TMEM132C: variants seen among roughly 807,000 people sequenced by gnomAD.
TMEM132C encodes the protein protein phosphatase 1, regulatory subunit 152.
In TMEM132C, 29 loss-of-function variants were observed where a neutral mutation model predicts 61.4. The observed-to-expected ratio is 0.47, with a 90% CI of 0.35 to 0.64. The LOEUF (loss-of-function observed/expected upper bound fraction) is 0.64. TMEM132C is among the 30% of genes least tolerant of loss of function. The pLI, the probability that TMEM132C is intolerant of heterozygous loss-of-function variation, is 0.00. For missense variants in TMEM132C, 1,408 were observed against 1,476.9 expected, an observed-to-expected ratio of 0.95 and a Z score of 0.76; for synonymous variants, 656 against 633.1, an observed-to-expected ratio of 1.04 and a Z score of -0.54.
In TMEM132C at chr12:128,268,732, CAA is replaced by C. The variant is rs1309365157; in HGVS notation, c.85+1248_85+1249del. Among the ~76,000 whole-genome samples the C allele has an allele frequency of 3.9e-5, 6 of 152,010 alleles. No homozygotes were observed. In the East Asian group the frequency reaches 7.8e-4, roughly 20 times the overall value. ...AGGTTTAAAAGTAGCGTTTGCTTTT[CAA>C]AAGTCATTCTGCACCGCCTGAAAAT... On this transcript the variant is annotated intron_variant, in intron 1 of 8. Transcript: ENST00000435159.
At chr12:128,499,874 T>C (rs944413712) in intron 2 of TMEM132C, among the ~76,000 whole-genome samples, 1 of 152,204 alleles carries the variant, frequency 6.6e-6, no homozygotes, top group Non-Finnish European at 1.5e-5. Context: ...CTCTTCCATA[T>C]GCTGATTTTT....
chr12:128,323,366 G>A (rs1408859774), intron 1 of TMEM132C, among the ~76,000 whole-genome samples: 1 of 152,218 alleles, frequency 6.6e-6, no homozygotes, highest in Non-Finnish European at 1.5e-5. Context: ...AGAGCCCACT[G>A]GCCTAAAAGG....
At chr12:128,473,319 T>A (rs796171796) in intron 2 of TMEM132C, among the ~76,000 whole-genome samples, 1 of 1,008 alleles carries the variant, frequency 9.9e-4, no homozygotes, top group Non-Finnish European at 2.4e-3. Context: ...CTCCAGCCTC[T>A]ATCTTCATCT....
At chr12:128,680,512 A>C (rs1954626620) in intron 5 of TMEM132C, among the ~76,000 whole-genome samples, 1 of 152,240 alleles carries the variant, frequency 6.6e-6, no homozygotes, top group Non-Finnish European at 1.5e-5. Context: ...GAATGGAATA[A>C]AATGAAAATT....
chr12:128,420,899 A>G (rs1326096336), intron 2 of TMEM132C, among the ~76,000 whole-genome samples: 4 of 152,232 alleles, frequency 2.6e-5, no homozygotes, highest in African/African-American at 9.6e-5. Context: ...GTTTTAAGGA[A>G]AAAATATTCA....
chr12:128,651,373 C>G (rs1294653859), intron 4 of TMEM132C, among the ~76,000 whole-genome samples: 2 of 152,220 alleles, frequency 1.3e-5, no homozygotes, highest in Non-Finnish European at 2.9e-5. Context: ...CCTGATGGTG[C>G]TCCTGCAGGA....
At chr12:128,588,828 A>G (rs1419801899) in intron 3 of TMEM132C, among the ~76,000 whole-genome samples, 2 of 152,152 alleles carry the variant, frequency 1.3e-5, no homozygotes, top group East Asian at 3.9e-4. Context: ...TGTGAGCAGT[A>G]TGTTTCTGTG....
At chr12:128,485,232 A>G (rs768478491) in intron 2 of TMEM132C, among the ~76,000 whole-genome samples, 5 of 152,164 alleles carry the variant, frequency 3.3e-5, no homozygotes, top group Admixed American at 1.3e-4. Context: ...GCTGGAGTGC[A>G]GTAGTGTGAT....
chr12:128,423,710 A>C (rs1394368348), intron 2 of TMEM132C, among the ~76,000 whole-genome samples: 1 of 151,778 alleles, frequency 6.6e-6, no homozygotes, highest in Non-Finnish European at 1.5e-5. Flanking sequence ...TCTCTTAAAA[A>C]AAAGAGAAAA....
chr12:128,283,094 A>G (rs575505006), intron 1 of TMEM132C, among the ~76,000 whole-genome samples: 1 of 152,346 alleles, frequency 6.6e-6, no homozygotes, highest in African/African-American at 2.4e-5. Context: ...TTAGAATTTC[A>G]ACATTTCATT....
Position 128,705,298 on chromosome 12 carries a change from A to C in TMEM132C, c.2330A>C (p.Glu777Ala), listed in dbSNP as rs1954829013. The C allele has an allele frequency of 2.6e-6, 4 of 1,551,288 alleles. No individual in the cohort carries two copies. Among genetic ancestry groups the C allele is most frequent in the Non-Finnish European group, 2.6e-6 (3 of 1,146,732 alleles). The change falls in exon 9 of 9, where the codon GAG (glutamate) becomes GCG (alanine). Residue 777 changes from glutamate (E) to alanine (A), a missense_variant. Transcript: ENST00000435159. Reference sequence around the variant, plus strand: ...ATCCGAGTGGACATGACGATCGCCGAGGCCTGCCAGAAATCTAAACGCAAG... The same window carrying C: ...ATCCGAGTGGACATGACGATCGCCGCGGCCTGCCAGAAATCTAAACGCAAG... Reference protein sequence around the residue: ...PLIRVDMTIAEACQKSKRKSI... With the variant: ...PLIRVDMTIAAACQKSKRKSI...
chr12:128,333,787 ATGTGT>A (rs1872726013), intron 1 of TMEM132C, among the ~76,000 whole-genome samples: 1 of 146,066 alleles, frequency 6.8e-6, no homozygotes, highest in South Asian at 2.2e-4. Context: ...TGGTGTATAT[ATGTGT>A]GGCTTGTTTG....
At chr12:128,332,734 C>T (rs961039210) in intron 1 of TMEM132C, among the ~76,000 whole-genome samples, 2 of 152,212 alleles carry the variant, frequency 1.3e-5, no homozygotes, top group Non-Finnish European at 2.9e-5. Context: ...CCACTGTGGA[C>T]CTGAGTGGGT....
intron 1 of TMEM132C, chr12:128,288,509 TA>T (rs1370807220): frequency 6.6e-6 from 1 of 152,206 alleles, no homozygotes; most frequent in African/African-American, 2.4e-5. Flanking sequence ...CCTGCCTCTT[TA>T]TCTAGTAGAG....
rs978740203 is a variant in TMEM132C at position 128,268,058 on chromosome 12, C to T, written c.85+571C>T. Among the ~76,000 whole-genome samples the T allele has an allele frequency of 5.4e-4, 82 of 152,162 alleles. 1 individual carries two copies. Among genetic ancestry groups the T allele is most frequent in the Non-Finnish European group, 1.0e-3 (71 of 68,024 alleles). ...ACTCATCGCGCAGCTCACCAGGGAC[C>T]CCAGCTTGGCAGAAACCAGGGGCTC... On this transcript the variant is annotated intron_variant, in intron 1 of 8. Coordinates refer to ENST00000435159, the MANE Select transcript of TMEM132C (RefSeq NM_001136103.3).
intron 1 of TMEM132C, among the ~76,000 whole-genome samples, chr12:128,351,539 G>A (rs1422748299): frequency 1.3e-5 from 2 of 152,270 alleles, no homozygotes; most frequent in Middle Eastern, 3.4e-3. Flanking sequence ...AATCTATTTG[G>A]TTCATGGATC....
At chr12:128,439,745 G>A in intron 2 of TMEM132C, among the ~76,000 whole-genome samples, 1 of 152,106 alleles carries the variant, frequency 6.6e-6, no homozygotes, top group East Asian at 1.9e-4. Context: ...GCTGACTGTA[G>A]TGGGGAGGGG....
chr12:128,357,812 CAG>C lies in TMEM132C; in HGVS notation c.86-56916_86-56915del, dbSNP rs34237373. On this transcript the variant is annotated intron_variant, in intron 1 of 8. Coordinates refer to ENST00000435159, the MANE Select transcript of TMEM132C (RefSeq NM_001136103.3). Reference sequence around the variant, plus strand: ...CTGGTTTCTACTTCTGTTCTTGGGACAGAGAAATGTCCCACCCCACCACACCC... The same window carrying C: ...CTGGTTTCTACTTCTGTTCTTGGGACAGAAATGTCCCACCCCACCACACCC... Among the ~76,000 whole-genome samples, 379 of 152,072 alleles carry C rather than the reference CAG, an allele frequency of 2.5e-3. 6 individuals carry two copies. Among genetic ancestry groups the C allele is most frequent in the Middle Eastern group, 3.4e-3 (1 of 294 alleles).
chr12:128,694,579 A>G (rs1239945963), intron 6 of TMEM132C, among the ~76,000 whole-genome samples: 1 of 152,172 alleles, frequency 6.6e-6, no homozygotes, highest in Admixed American at 6.5e-5. Flanking sequence ...AGCAGACATT[A>G]GCTAAGTGAA....
Sources: gnomAD v4.1 joint callset for allele counts (sites outside exome capture counted in the v4.1 genomes callset) on GRCh38, gnomAD v4.1.1 for gene constraint, MANE v1.5 for transcripts, NCBI Gene and HGNC (gene_info 2026-07-23, HGNC 2026-07-21) for gene names.